RASGRF2: variants seen among roughly 807,000 people sequenced by gnomAD.
RASGRF2 encodes the protein ras-specific guanine nucleotide-releasing factor 2.
In RASGRF2, 76 loss-of-function variants were observed where a neutral mutation model predicts 151.0. The observed-to-expected ratio is 0.50, with a 90% CI of 0.42 to 0.61. RASGRF2 has a LOEUF of 0.61. Among genes scored for constraint, RASGRF2 ranks in the 20% least tolerant of loss-of-function variants. RASGRF2 has a pLI of 0.00. For missense variants in RASGRF2, 1,148 were observed against 1,564.6 expected, an observed-to-expected ratio of 0.73 and a Z score of 4.49; for synonymous variants, 504 against 566.5, an observed-to-expected ratio of 0.89 and a Z score of 1.57.
chr5:81,116,066 C>CTTTTTTTTTTTTTTTT (rs575647502), intron 15 of RASGRF2, among the ~76,000 whole-genome samples: 1 of 49,042 alleles, frequency 2.0e-5, no homozygotes, highest in East Asian at 1.1e-3. Context: ...AATGCCATTT[C>CTTTTTTTTTTTTTTTT]TTTTTTTTTT....
intron 1 of RASGRF2, among the ~76,000 whole-genome samples, chr5:80,980,334 A>G (rs1748257747): frequency 1.3e-5 from 2 of 152,158 alleles, no homozygotes; most frequent in South Asian, 4.1e-4. Context: ...TTTTGGCCCC[A>G]GACAGTACTC....
chr5:81,186,355 A>AC (rs34568786), intron 18 of RASGRF2, among the ~76,000 whole-genome samples: 2 of 152,026 alleles, frequency 1.3e-5, no homozygotes, highest in African/African-American at 2.4e-5. Flanking sequence ...TCTTCCTGTT[A>AC]CCCCATGCTC....
intron 18 of RASGRF2, among the ~76,000 whole-genome samples, chr5:81,194,206 A>G (rs990164273): frequency 1.3e-5 from 2 of 151,482 alleles, no homozygotes; most frequent in Non-Finnish European, 2.9e-5. Context: ...AATCTTAAAA[A>G]TTAGCTGGGC....
chr5:81,209,767 C>A (rs1388832962), intron 22 of RASGRF2, among the ~76,000 whole-genome samples: 1 of 152,190 alleles, frequency 6.6e-6, no homozygotes, highest in East Asian at 1.9e-4. Context: ...CCACATGTCT[C>A]CTCTGCTGGG....
chr5:81,081,323 C>A (rs1477332766), intron 7 of RASGRF2, among the ~76,000 whole-genome samples: 1 of 152,124 alleles, frequency 6.6e-6, no homozygotes, highest in Non-Finnish European at 1.5e-5. Flanking sequence ...GCTGTGGAGA[C>A]TAGGAAACAG....
intron 1 of RASGRF2, among the ~76,000 whole-genome samples, chr5:81,014,545 C>T (rs941045794): frequency 2.6e-5 from 4 of 152,178 alleles, no homozygotes; most frequent in Admixed American, 2.6e-4. Context: ...TCCCACAACA[C>T]GTGGGAATTC....
At chr5:81,208,463 G>C in intron 22 of RASGRF2, 25 bp downstream of exon 22, 1 of 1,586,784 alleles carries the variant, frequency 6.3e-7, no homozygotes, top group Middle Eastern at 1.7e-4. Flanking sequence ...CAGTAAAACC[G>C]TGGGCGTGTC....
chr5:81,143,270 C>T (rs1753926175), intron 17 of RASGRF2, among the ~76,000 whole-genome samples: 1 of 151,988 alleles, frequency 6.6e-6, no homozygotes, highest in Admixed American at 6.6e-5. Context: ...GACTCAGCCT[C>T]CCAAGTAGCT....
At chr5:81,193,196 A>G (rs1047700448) in intron 18 of RASGRF2, among the ~76,000 whole-genome samples, 1 of 152,224 alleles carries the variant, frequency 6.6e-6, no homozygotes, top group South Asian at 2.1e-4. Context: ...TTGGCCATGT[A>G]TAGTAAATTA....
intron 1 of RASGRF2, among the ~76,000 whole-genome samples, chr5:81,025,188 CT>C (rs1749976109): frequency 6.6e-6 from 1 of 152,248 alleles, no homozygotes; most frequent in Admixed American, 6.5e-5. Context: ...TTTCGCTGTC[CT>C]TGCAGCCGGC....
At chr5:81,174,821 T>A (rs1280757279) in intron 17 of RASGRF2, among the ~76,000 whole-genome samples, 1 of 152,212 alleles carries the variant, frequency 6.6e-6, no homozygotes, top group Non-Finnish European at 1.5e-5. Context: ...TGCCTTAAAA[T>A]CCATGACAAT....
chr5:81,200,252 C>CAG (rs1050453573), intron 18 of RASGRF2, among the ~76,000 whole-genome samples: 1 of 144,536 alleles, frequency 6.9e-6, no homozygotes, highest in African/African-American at 2.6e-5. Context: ...GCCTGGGTGA[C>CAG]AGAGAGAGAC....
chr5:81,185,255 T>C (rs1755001400), intron 18 of RASGRF2, among the ~76,000 whole-genome samples: 1 of 152,168 alleles, frequency 6.6e-6, no homozygotes, highest in Admixed American at 6.5e-5. Context: ...TGGGAAATGC[T>C]TCAAGGAAAC....
chr5:81,202,057 T>C (rs114601597), intron 19 of RASGRF2, among the ~76,000 whole-genome samples: 56 of 152,310 alleles, frequency 3.7e-4, no homozygotes, highest in African/African-American at 1.3e-3. Flanking sequence ...ATTGTGTCCA[T>C]AGTTGTTGCA....
At chr5:80,995,211 G>C (rs951633669) in intron 1 of RASGRF2, among the ~76,000 whole-genome samples, 1 of 147,004 alleles carries the variant, frequency 6.8e-6, no homozygotes, top group Admixed American at 6.9e-5. Flanking sequence ...AGCCGAGATC[G>C]CGCCACTGCC....
At chr5:81,074,567 TAG>T (rs1473830839) in intron 5 of RASGRF2, among the ~76,000 whole-genome samples, 1 of 152,182 alleles carries the variant, frequency 6.6e-6, no homozygotes, top group African/African-American at 2.4e-5. Context: ...ACTATGAATA[TAG>T]AGTCTTATTT....
At chr5:81,037,723 T>C (rs1750547391) in intron 1 of RASGRF2, among the ~76,000 whole-genome samples, 1 of 152,226 alleles carries the variant, frequency 6.6e-6, no homozygotes, top group East Asian at 1.9e-4. Context: ...AGGTGAAGTC[T>C]TTATTGTGCT....
chr5:81,099,825 G>A (rs1463140905), intron 12 of RASGRF2, among the ~76,000 whole-genome samples: 7 of 151,778 alleles, frequency 4.6e-5, no homozygotes. Flanking sequence ...ATAGACTAGG[G>A]ATGTGAACAT....
chr5:81,178,141 T>G (rs1754816183), intron 17 of RASGRF2, among the ~76,000 whole-genome samples: 1 of 152,224 alleles, frequency 6.6e-6, no homozygotes, highest in Non-Finnish European at 1.5e-5. Context: ...GCTGGGAGGC[T>G]GTTACAGGAG....
Sources: allele counts gnomAD v4.1 joint callset (sites outside exome capture counted in the v4.1 genomes callset), GRCh38; gene constraint gnomAD v4.1.1; transcripts MANE v1.5; gene names NCBI Gene and HGNC (gene_info 2026-07-23, HGNC 2026-07-21).